AOAH: variants seen among roughly 807,000 people sequenced by gnomAD.
AOAH encodes the protein acyloxyacyl hydrolase (neutrophil).
AOAH carries 64 observed loss-of-function variants against 92.2 expected under a neutral mutation model. The ratio of observed to expected loss-of-function variants is 0.69; its 90% confidence interval spans 0.57 to 0.86. The LOEUF is 0.86. Among genes scored for constraint, AOAH ranks in the 40% least tolerant of loss-of-function variants. The probability of loss-of-function intolerance (pLI) is 0.00; values close to 1 mark genes in which losing one functional copy is unlikely to be tolerated. For synonymous variants in AOAH, 263 were observed against 254.5 expected, an observed-to-expected ratio of 1.03 and a Z score of -0.32; for missense variants, 656 against 694.6, an observed-to-expected ratio of 0.94 and a Z score of 0.62.
intron 5 of AOAH, among the ~76,000 whole-genome samples, chr7:36,637,018 A>G (rs940473704): frequency 2.0e-5 from 3 of 152,212 alleles, no homozygotes; most frequent in African/African-American, 2.4e-5. Flanking sequence ...TACTGCCAGT[A>G]TCTTTGGCAT....
chr7:36,705,273 A>G (rs1348774776), intron 1 of AOAH, among the ~76,000 whole-genome samples: 2 of 152,210 alleles, frequency 1.3e-5, no homozygotes, highest in East Asian at 1.9e-4. Context: ...TAAGCTGATA[A>G]GCAACTTCAG....
chr7:36,716,059 T>G lies in AOAH; in HGVS notation c.127+7963A>C, dbSNP rs1799144052. 2.0e-5 allele frequency among the ~76,000 whole-genome samples: 3 copies of G among 151,788 alleles called. 1 individual carries two copies. The South Asian group carries it at 6.2e-4, about 32-fold the overall frequency. On this transcript the variant is annotated intron_variant, in intron 1 of 20. Coordinates refer to ENST00000617537, the MANE Select transcript of AOAH (RefSeq NM_001637.4). ...AGGCAACCTACAGAATGGGAGAAAA[T>G]TTTTGCAACCTACTCATCTGACAAA...
At chr7:36,691,091 C>T (rs1482670241) in intron 1 of AOAH, among the ~76,000 whole-genome samples, 1 of 152,154 alleles carries the variant, frequency 6.6e-6, no homozygotes, top group Non-Finnish European at 1.5e-5. Flanking sequence ...CCTTTTTGAC[C>T]CTGAGTAGAA....
rs1235638719 is a variant in AOAH at position 36,516,050 on chromosome 7, C to T, written c.1600-2670G>A. On this transcript the variant is annotated intron_variant, in intron 20 of 20. Coordinates refer to ENST00000617537, the MANE Select transcript of AOAH (RefSeq NM_001637.4). The surrounding 1 kb of genome is among the most constrained non-coding windows in gnomAD (Gnocchi z 5.0). ...AACACATAAATACGTCACACACACA[C>T]ACACCACACACTACACACACCACAC... 5.3e-5 allele frequency among the ~76,000 whole-genome samples: 8 copies of T among 149,732 alleles called. No homozygotes were observed. In the Middle Eastern group the frequency reaches 0.011, roughly 203 times the overall value.
At chr7:36,629,886 T>G (rs1195525227) in intron 6 of AOAH, among the ~76,000 whole-genome samples, 1 of 152,206 alleles carries the variant, frequency 6.6e-6, no homozygotes, top group Non-Finnish European at 1.5e-5. Flanking sequence ...TCCTAACCCC[T>G]GGTATCTGCG....
intron 1 of AOAH, among the ~76,000 whole-genome samples, chr7:36,719,990 T>C (rs1027968898): frequency 2.0e-5 from 3 of 151,724 alleles, no homozygotes; most frequent in African/African-American, 7.3e-5. Flanking sequence ...TGATCAGAAA[T>C]CCAGCTGCCT....
chr7:36,714,917 T>C (rs951862202), intron 1 of AOAH, among the ~76,000 whole-genome samples: 4 of 152,104 alleles, frequency 2.6e-5, no homozygotes, highest in Admixed American at 1.3e-4. Flanking sequence ...AAAACGGGCA[T>C]AAGACAGGGA....
At position 36,548,648 on chromosome 7, in the gene AOAH, AC is replaced by A. The variant is rs1487676368; in HGVS notation, c.1096del (p.Val366LeufsTer5). ...ATCATTTCCAATCATGGCATATATA[AC>A]GATGGCGGGATAGTCCAACACCTTG... ...RNKVLDYPAI[V>X]IYAMIGNDVC... is the part of the protein sequence containing the mutation. On this transcript the variant is annotated frameshift_variant, in exon 15 of 21. Transcript: ENST00000617537. LOFTEE classifies it high-confidence loss of function. 1.2e-6 allele frequency: 2 copies of A among 1,613,768 alleles called. No individual in the cohort carries two copies. The highest frequency in any genetic ancestry group is 1.1e-5 in the South Asian group (1 of 91,082).
rs150803238 is a variant in AOAH at position 36,648,394 on chromosome 7, A to G, written c.391-10484T>C. Among the ~76,000 whole-genome samples, 383 of 151,580 alleles carry G rather than the reference A, an allele frequency of 2.5e-3. 2 individuals carry two copies. The highest frequency in any genetic ancestry group is 0.011 in the South Asian group (51 of 4,794). Reference sequence around the variant, plus strand: ...GTCCTTTGATATTTTTCCCTAAACCATTTGTTTGTGGCCTTTGCTGACTTT... The same window carrying G: ...GTCCTTTGATATTTTTCCCTAAACCGTTTGTTTGTGGCCTTTGCTGACTTT... On this transcript the variant is annotated intron_variant, in intron 4 of 20. Coordinates refer to ENST00000617537, the MANE Select transcript of AOAH (RefSeq NM_001637.4).
At chr7:36,706,731 C>G (rs978413364) in intron 1 of AOAH, among the ~76,000 whole-genome samples, 1 of 152,192 alleles carries the variant, frequency 6.6e-6, no homozygotes, top group African/African-American at 2.4e-5. Flanking sequence ...CTTGCTGTAG[C>G]TTCTACATCA....
intron 15 of AOAH, among the ~76,000 whole-genome samples, chr7:36,544,239 C>G (rs2116248635): frequency 6.6e-6 from 1 of 152,250 alleles, no homozygotes; most frequent in East Asian, 1.9e-4. Context: ...GCCACTGCGC[C>G]CGGCCCCCTG....
chr7:36,697,153 A>G (rs557006851), intron 1 of AOAH, among the ~76,000 whole-genome samples: 1 of 152,326 alleles, frequency 6.6e-6, no homozygotes, highest in South Asian at 2.1e-4. Flanking sequence ...TGCTATCATT[A>G]AATACAAAAA....
At chr7:36,673,127 TTCAAAGTAACTAAATAAGAA>T (rs1182934657) in intron 3 of AOAH, among the ~76,000 whole-genome samples, 5 of 152,116 alleles carry the variant, frequency 3.3e-5, no homozygotes, top group African/African-American at 1.2e-4. Flanking sequence ...TATTTCAGTA[TTCAAAGTAACTAAATAAGAA>T]TATAAAAAGT....
rs749848566 is a variant in AOAH, at chr7:36,594,322, T to G, written c.938+17A>C. On this transcript the variant is annotated intron_variant, in intron 12 of 20. Coordinates refer to ENST00000617537, the MANE Select transcript of AOAH (RefSeq NM_001637.4). The stretch of plus-strand genomic sequence containing the variant: ...ACAGAGGTATTGAAATGTCTGAGGG[T>G]GCACAAAGACACTTACCCAACAGTG... The G allele has an allele frequency of 1.3e-6, 2 of 1,592,388 alleles. No homozygotes were observed. The highest frequency in any genetic ancestry group is 1.7e-6 in the Non-Finnish European group (2 of 1,160,258).
intron 4 of AOAH, among the ~76,000 whole-genome samples, chr7:36,639,568 A>C (rs1387303906): frequency 6.6e-6 from 1 of 152,238 alleles, no homozygotes; most frequent in East Asian, 1.9e-4. Flanking sequence ...TGCACATAGG[A>C]AAAAACCTTG....
At chr7:36,576,454 G>C (rs1430126346) in intron 13 of AOAH, 120 bp downstream of exon 13, 6 of 622,314 alleles carry the variant, frequency 9.6e-6, no homozygotes, top group Non-Finnish European at 1.4e-5. Flanking sequence ...GCATTGGAAG[G>C]GAGACCGTTC....
intron 1 of AOAH, among the ~76,000 whole-genome samples, chr7:36,719,881 T>G (rs2117036276): frequency 6.6e-6 from 1 of 151,828 alleles, no homozygotes; most frequent in East Asian, 1.9e-4. Flanking sequence ...GGCTTCAGTG[T>G]GCTATAATTG....
At chr7:36,575,550 T>C (rs1583856824) in intron 13 of AOAH, among the ~76,000 whole-genome samples, 1 of 152,222 alleles carries the variant, frequency 6.6e-6, no homozygotes, top group Admixed American at 6.5e-5. Flanking sequence ...GTATTAGTAC[T>C]GAAGAAATTT....
At chr7:36,517,258 CTCTCTCTTTCTT>C (rs1206549025) in intron 20 of AOAH, among the ~76,000 whole-genome samples, 3 of 32,546 alleles carry the variant, frequency 9.2e-5, no homozygotes, top group African/African-American at 2.7e-4. Flanking sequence ...CTTTCTGTGT[CTCTCTCTTTCTT>C]TCTTTCTTTC....
Sources: gnomAD v4.1 joint callset for allele counts (sites outside exome capture counted in the v4.1 genomes callset) on GRCh38, gnomAD v4.1.1 for gene constraint, Gnocchi (gnomAD v3.1) non-coding constraint, MANE v1.5 for transcripts, NCBI Gene and HGNC (gene_info 2026-07-23, HGNC 2026-07-21) for gene names.